The following TRPC4 variants were observed in gnomAD, a reference collection of about 807,000 sequenced individuals.
The protein encoded by TRPC4 is transient receptor potential cation channel subfamily C member 4.
Under a neutral mutation model 99.4 loss-of-function variants are expected in TRPC4, and 49 were observed. The observed-to-expected ratio is 0.49, with a 90% CI of 0.39 to 0.63. TRPC4 has a LOEUF of 0.63. Among genes scored for constraint, TRPC4 ranks in the 20% least tolerant of loss-of-function variants. The pLI is 0.00. For synonymous variants in TRPC4, 454 were observed against 425.9 expected, an observed-to-expected ratio of 1.07 and a Z score of -0.81; for missense variants, 898 against 1,152.9, an observed-to-expected ratio of 0.78 and a Z score of 3.20.
At chr13:37,753,972 G>A (rs1956025432) in intron 2 of TRPC4, among the ~76,000 whole-genome samples, 1 of 152,090 alleles carries the variant, frequency 6.6e-6, no homozygotes, top group Admixed American at 6.6e-5. Flanking sequence ...CCCCCGCTAT[G>A]GAGAATGGGC....
intron 2 of TRPC4, among the ~76,000 whole-genome samples, chr13:37,765,285 G>A (rs1342560701): frequency 1.3e-5 from 2 of 151,302 alleles, no homozygotes; most frequent in African/African-American, 4.8e-5. Context: ...CTATGAGAAT[G>A]AACACTAGGC....
chr13:37,790,416 T>C (rs1957087392), intron 1 of TRPC4, among the ~76,000 whole-genome samples: 1 of 152,200 alleles, frequency 6.6e-6, no homozygotes, highest in South Asian at 2.1e-4. Flanking sequence ...AATAGCTATG[T>C]CAACATTAAT....
chr13:37,671,339 C>T (rs1297906883), intron 5 of TRPC4, among the ~76,000 whole-genome samples: 1 of 152,016 alleles, frequency 6.6e-6, no homozygotes, highest in Admixed American at 6.6e-5. Context: ...ACATCACAGG[C>T]CCCCAGAGTG....
chr13:37,784,174 T>G (rs772331640), intron 1 of TRPC4, among the ~76,000 whole-genome samples: 1 of 152,074 alleles, frequency 6.6e-6, no homozygotes, highest in Non-Finnish European at 1.5e-5. Context: ...TCAAGATGAG[T>G]CTAAGCAATT....
intron 4 of TRPC4, among the ~76,000 whole-genome samples, chr13:37,688,447 A>G (rs1037522475): frequency 1.3e-5 from 2 of 152,214 alleles, no homozygotes; most frequent in Non-Finnish European, 2.9e-5. Context: ...GGAAATTCCC[A>G]AGCAAAACCA....
intron 1 of TRPC4, among the ~76,000 whole-genome samples, chr13:37,842,499 A>T (rs1175781349): frequency 6.6e-6 from 1 of 152,090 alleles, no homozygotes; most frequent in Non-Finnish European, 1.5e-5. Context: ...TGAAATAGGT[A>T]CTATAGACTG....
chr13:37,812,355 CA>C (rs1957727324), intron 1 of TRPC4, among the ~76,000 whole-genome samples: 1 of 150,950 alleles, frequency 6.6e-6, no homozygotes, highest in African/African-American at 2.4e-5. Context: ...AAAAAAAATA[CA>C]AACCATTATG....
At chr13:37,758,464 A>G (rs1956147727) in intron 2 of TRPC4, among the ~76,000 whole-genome samples, 1 of 151,796 alleles carries the variant, frequency 6.6e-6, no homozygotes, top group Non-Finnish European at 1.5e-5. Context: ...TAAAGAGTGA[A>G]AACTTTTTTC....
chr13:37,719,677 G>A (rs1372242698), intron 3 of TRPC4, among the ~76,000 whole-genome samples: 1 of 151,934 alleles, frequency 6.6e-6, no homozygotes, highest in Non-Finnish European at 1.5e-5. Flanking sequence ...TGGGGTAAAT[G>A]GGCCTTTTCT....
intron 3 of TRPC4, among the ~76,000 whole-genome samples, chr13:37,693,315 G>A (rs1332738179): frequency 6.6e-6 from 1 of 152,024 alleles, no homozygotes; most frequent in African/African-American, 2.4e-5. Flanking sequence ...GGTAATCCAC[G>A]GCAAGATACC....
At chr13:37,648,806 G>A (rs9547997) in intron 8 of TRPC4, among the ~76,000 whole-genome samples, 31,480 of 152,094 alleles carry the variant, frequency 0.21, 3,599 homozygotes, top group Non-Finnish European at 0.25. Context: ...TCAACAGTGA[G>A]AGGATAGGAG....
At chr13:37,734,942 C>T (rs1000361091) in intron 3 of TRPC4, among the ~76,000 whole-genome samples, 1 of 152,020 alleles carries the variant, frequency 6.6e-6, no homozygotes, top group Non-Finnish European at 1.5e-5. Flanking sequence ...TCCGTGTTCC[C>T]TAACACTCCA....
intron 1 of TRPC4, among the ~76,000 whole-genome samples, chr13:37,836,094 C>T (rs1769621246): frequency 6.6e-6 from 1 of 152,174 alleles, no homozygotes; most frequent in African/African-American, 2.4e-5. Context: ...CACGAGTTCT[C>T]TCTCTTTGCC....
chr13:37,643,215 A>G (rs1408923370), intron 8 of TRPC4, among the ~76,000 whole-genome samples: 2 of 151,980 alleles, frequency 1.3e-5, no homozygotes, highest in Non-Finnish European at 2.9e-5. Flanking sequence ...TGGAATTAGA[A>G]CTCTCTTAAC....
At chr13:37,772,662 C>T (rs913578175) in intron 2 of TRPC4, among the ~76,000 whole-genome samples, 4 of 151,580 alleles carry the variant, frequency 2.6e-5, no homozygotes, top group Admixed American at 6.6e-5. Flanking sequence ...AGAAGAGGGA[C>T]GTTTAACTTC....
intron 4 of TRPC4, among the ~76,000 whole-genome samples, chr13:37,675,390 A>G (rs1215589059): frequency 6.6e-6 from 1 of 152,190 alleles, no homozygotes; most frequent in East Asian, 1.9e-4. Flanking sequence ...AGGAAGAGAC[A>G]CTGGCACCAT....
intron 8 of TRPC4, among the ~76,000 whole-genome samples, chr13:37,648,214 TA>T (rs1951909367): frequency 6.6e-6 from 1 of 152,210 alleles, no homozygotes; most frequent in Non-Finnish European, 1.5e-5. Flanking sequence ...GTGCTGGGAT[TA>T]CAGGTGTGAG....
chr13:37,815,887 T>TAAAAAA (rs35428578), intron 1 of TRPC4, among the ~76,000 whole-genome samples: 1 of 150,684 alleles, frequency 6.6e-6, no homozygotes, highest in Non-Finnish European at 1.5e-5. Context: ...CTCAGTAAAT[T>TAAAAAA]AAAAAAAAAT....
intron 6 of TRPC4, among the ~76,000 whole-genome samples, chr13:37,662,393 T>C (rs1453837284): frequency 6.6e-6 from 1 of 152,190 alleles, no homozygotes; most frequent in African/African-American, 2.4e-5. Flanking sequence ...ATGGCTGACA[T>C]TTAAAAATTA....
Sources: allele counts gnomAD v4.1 joint callset (sites outside exome capture counted in the v4.1 genomes callset), GRCh38; gene constraint gnomAD v4.1.1; transcripts MANE v1.5; gene names NCBI Gene and HGNC (gene_info 2026-07-23, HGNC 2026-07-21).